Variants in RALYL observed in about 807,000 individuals in gnomAD.
RALYL encodes RNA-binding Raly-like protein.
In RALYL, 29 loss-of-function variants were observed where a neutral mutation model predicts 35.1. That is an observed-to-expected ratio of 0.83 (90% CI 0.61 to 1.13). The LOEUF (loss-of-function observed/expected upper bound fraction) is 1.13. RALYL is among the 50% of genes most tolerant of loss of function. The pLI is 0.00. For synonymous variants in RALYL, 120 were observed against 127.6 expected, an observed-to-expected ratio of 0.94 and a Z score of 0.40; for missense variants, 359 against 360.4, an observed-to-expected ratio of 1.00 and a Z score of 0.03.
intron 2 of RALYL, among the ~76,000 whole-genome samples, chr8:84,728,610 G>A (rs1236917248): frequency 1.3e-5 from 2 of 152,052 alleles, no homozygotes; most frequent in African/African-American, 4.8e-5. Flanking sequence ...GGTTTTAGGT[G>A]TGAGGTTTAA....
chr8:84,343,215 G>A (rs1320620555), intron 1 of RALYL, among the ~76,000 whole-genome samples: 1 of 152,080 alleles, frequency 6.6e-6, no homozygotes. Flanking sequence ...TACTATTAAT[G>A]AGTTATATTC....
In RALYL at chr8:84,184,210, A is replaced by T. The variant is rs1428288608; in HGVS notation, c.-238A>T. Reference sequence around the variant, plus strand: ...CCTTTAAATTAACTATGACTTTTGCACATTTGACTTTTTTAAAAAACCGAG... The same window carrying T: ...CCTTTAAATTAACTATGACTTTTGCTCATTTGACTTTTTTAAAAAACCGAG... On this transcript the variant is annotated 5_prime_UTR_variant, in exon 1 of 9. Transcript: ENST00000521268. 6.6e-6 allele frequency: 1 copy of T among 152,046 alleles called. No homozygotes were observed. Among genetic ancestry groups the T allele is most frequent in the Non-Finnish European group, 1.5e-5 (1 of 68,010 alleles). 9.4% of individuals were successfully genotyped at this position (152,046 alleles called of 1,614,324 possible).
chr8:84,565,355 C>A (rs1166980031), intron 2 of RALYL, among the ~76,000 whole-genome samples: 1 of 151,486 alleles, frequency 6.6e-6, no homozygotes, highest in Admixed American at 6.6e-5. Context: ...TAATCAATTT[C>A]TGTAACATTT....
chr8:84,415,768 T>A (rs1028160163), intron 1 of RALYL, among the ~76,000 whole-genome samples: 1 of 152,208 alleles, frequency 6.6e-6, no homozygotes, highest in Non-Finnish European at 1.5e-5. Flanking sequence ...TTAATATGTA[T>A]GTATAACTGT....
chr8:84,194,304 G>C (rs374055032), intron 1 of RALYL, among the ~76,000 whole-genome samples: 1 of 152,120 alleles, frequency 6.6e-6, no homozygotes, highest in African/African-American at 2.4e-5. Flanking sequence ...AAAAGTATCA[G>C]TGATATTTTT....
intron 1 of RALYL, among the ~76,000 whole-genome samples, chr8:84,197,661 G>A (rs932364805): frequency 6.6e-6 from 1 of 151,906 alleles, no homozygotes; most frequent in African/African-American, 2.4e-5. Context: ...GGGCGCGGTG[G>A]CTCACGCCTG....
At chr8:84,788,887 G>T (rs1033292841) in intron 3 of RALYL, among the ~76,000 whole-genome samples, 20 of 152,334 alleles carry the variant, frequency 1.3e-4, no homozygotes, top group Admixed American at 6.5e-4. Flanking sequence ...TGGTGCAGTG[G>T]AATGAGCAAT....
At chr8:84,907,846 T>C (rs921775634) in intron 8 of RALYL, among the ~76,000 whole-genome samples, 2 of 152,006 alleles carry the variant, frequency 1.3e-5, no homozygotes, top group Non-Finnish European at 2.9e-5. Context: ...AAAATAAATA[T>C]AATGAAAGGA....
chr8:84,634,688 A>T (rs941161255), intron 2 of RALYL, among the ~76,000 whole-genome samples: 8 of 151,770 alleles, frequency 5.3e-5, no homozygotes, highest in Admixed American at 2.6e-4. Context: ...AAACAATGGG[A>T]AAAATTGATA....
intron 1 of RALYL, among the ~76,000 whole-genome samples, chr8:84,492,592 G>T (rs1587747550): frequency 6.6e-6 from 1 of 152,110 alleles, no homozygotes; most frequent in East Asian, 1.9e-4. Context: ...AACTGCTCAT[G>T]CTTTTTTAAT....
intron 1 of RALYL, among the ~76,000 whole-genome samples, chr8:84,392,017 C>T (rs763741933): frequency 2.0e-5 from 3 of 152,000 alleles, no homozygotes; most frequent in Non-Finnish European, 2.9e-5. Context: ...GCTTTGAAAG[C>T]GGGCTGATTG....
At chr8:84,518,157 A>G (rs1315679427) in intron 1 of RALYL, among the ~76,000 whole-genome samples, 2 of 152,168 alleles carry the variant, frequency 1.3e-5, no homozygotes, top group Admixed American at 1.3e-4. Flanking sequence ...ACGTAGTGGT[A>G]TAGTTATACC....
intron 1 of RALYL, among the ~76,000 whole-genome samples, chr8:84,326,042 G>A (rs1247628372): frequency 1.3e-5 from 2 of 152,116 alleles, no homozygotes; most frequent in Non-Finnish European, 2.9e-5. Context: ...AACCTGGGAG[G>A]CGGAGGTTGC....
chr8:84,677,096 G>A (rs114563160), intron 2 of RALYL, among the ~76,000 whole-genome samples: 1,661 of 152,196 alleles, frequency 0.011, 35 homozygotes, highest in African/African-American at 0.037. Context: ...CACCCTGCCC[G>A]TAATGCACTC....
In RALYL at chr8:84,651,427, T is replaced by G. The variant is rs1163953455; in HGVS notation, c.256+121850T>G. Among the ~76,000 whole-genome samples the G allele has an allele frequency of 3.3e-5, 5 of 152,032 alleles. No individual in the cohort carries two copies. The East Asian group carries it at 9.7e-4, about 30-fold the overall frequency. On this transcript the variant is annotated intron_variant, in intron 2 of 8. Transcript: ENST00000521268. ...GCAGTGAAGATAAAATACTTATGACTAAATTCAATCCTAATTATGAGACAA... is the reference window on the plus strand; with the variant it reads ...GCAGTGAAGATAAAATACTTATGACGAAATTCAATCCTAATTATGAGACAA...
chr8:84,281,653 C>A (rs1314762739), intron 1 of RALYL, among the ~76,000 whole-genome samples: 1 of 152,078 alleles, frequency 6.6e-6, no homozygotes, highest in Non-Finnish European at 1.5e-5. Flanking sequence ...CCAAACTTTT[C>A]TTTTTCCTTC....
intron 2 of RALYL, among the ~76,000 whole-genome samples, chr8:84,636,798 A>C (rs1347203452): frequency 6.6e-6 from 1 of 151,880 alleles, no homozygotes; most frequent in African/African-American, 2.4e-5. Context: ...ATATTTTTCA[A>C]ATGTGAGGAG....
At chr8:84,434,798 CCAT>C (rs2047521559) in intron 1 of RALYL, among the ~76,000 whole-genome samples, 1 of 152,032 alleles carries the variant, frequency 6.6e-6, no homozygotes, top group African/African-American at 2.4e-5. Context: ...GTGCACACCA[CCAT>C]GTCTGGCAAA....
In RALYL at chr8:84,626,063, T is replaced by A. The variant is rs186815804; in HGVS notation, c.256+96486T>A. Among the ~76,000 whole-genome samples the A allele has an allele frequency of 2.9e-3, 444 of 152,128 alleles. 1 individual carries two copies. Among genetic ancestry groups the A allele is most frequent in the Middle Eastern group, 6.8e-3 (2 of 294 alleles). ...GAAAAAAAAGGCTGAAAATGATAAA[T>A]ATTTAGGAAGTAAAATAACAGGATG... On this transcript the variant is annotated intron_variant, in intron 2 of 8. Coordinates refer to ENST00000521268, the MANE Select transcript of RALYL (RefSeq NM_173848.7).
Sources: allele counts gnomAD v4.1 joint callset (sites outside exome capture counted in the v4.1 genomes callset), GRCh38; gene constraint gnomAD v4.1.1; transcripts MANE v1.5; gene names NCBI Gene and HGNC (gene_info 2026-07-23, HGNC 2026-07-21).